Variants in TMC1 observed in about 807,000 individuals in gnomAD.
TMC1 encodes the protein transmembrane channel-like protein 1.
In TMC1, 84 loss-of-function variants were observed where a neutral mutation model predicts 105.8. The ratio of observed to expected loss-of-function variants is 0.79; its 90% CI spans 0.67 to 0.95. TMC1 has a LOEUF of 0.95. TMC1 is among the 40% of genes least tolerant of loss of function. The pLI is 0.00. For missense variants in TMC1, 817 were observed against 914.1 expected (o/e 0.89, Z 1.37); for synonymous variants, 315 against 311.5 (o/e 1.01, Z -0.12).
chr9:72,773,276 GAA>G (rs1827959811), intron 13 of TMC1, among the ~76,000 whole-genome samples: 2 of 152,124 alleles, frequency 1.3e-5, no homozygotes, highest in South Asian at 4.1e-4. Flanking sequence ...GAGAAGAGTT[GAA>G]ACATCTCAAG....
In TMC1 at chr9:72,789,276, C is replaced by T; in HGVS notation, c.1183C>T (p.Gln395Ter). ...WAVKRSQEFA[Q>*]QDPDTLGWWE... ...TGTGAAGCGATCCCAGGAATTTGCA[C>T]AGCAAGATCCTGACACCCTTGGGTG... The change falls in exon 15 of 24, where the codon CAG (glutamine) becomes TAG (stop). Residue 395 changes from glutamine to a stop codon, truncating the protein, a stop_gained. Coordinates refer to ENST00000297784, the MANE Select transcript of TMC1 (RefSeq NM_138691.3). LOFTEE classifies it high-confidence loss of function. The T allele has an allele frequency of 1.2e-6, 2 of 1,614,032 alleles. No homozygotes were observed. Among genetic ancestry groups the T allele is most frequent in the African/African-American group, 1.3e-5 (1 of 75,052 alleles).
In TMC1 at chr9:72,740,012, G is replaced by A. The variant is rs143738360; in HGVS notation, c.363-107G>A. On this transcript the variant is annotated intron_variant, in intron 8 of 23. Coordinates refer to ENST00000297784, the MANE Select transcript of TMC1 (RefSeq NM_138691.3). ...TCTAGGTTCACCTGTGAAGGATCTA[G>A]AAGAAATAAGACTGCAGACCTGGTA... 914 of 838,624 alleles carry A rather than the reference G, an allele frequency of 1.1e-3. 3 individuals carry two copies. In the African/African-American group the frequency reaches 0.014, roughly 13 times the overall value. The allele number at this position is 838,624 out of a possible 1,614,324, so 51.9% of individuals were successfully genotyped here.
At chr9:72,831,135 C>G (rs1210715070) in intron 23 of TMC1, among the ~76,000 whole-genome samples, 2 of 152,094 alleles carry the variant, frequency 1.3e-5, no homozygotes, top group Non-Finnish European at 2.9e-5. Flanking sequence ...ATTAAACTTT[C>G]TTTTTTTAAA....
intron 2 of TMC1, among the ~76,000 whole-genome samples, chr9:72,590,148 A>G (rs1198481208): frequency 6.6e-6 from 1 of 152,166 alleles, no homozygotes; most frequent in Non-Finnish European, 1.5e-5. Flanking sequence ...TAAAAATCCA[A>G]TGGGGAGAAG....
intron 17 of TMC1, among the ~76,000 whole-genome samples, chr9:72,798,412 G>A (rs1018482422): frequency 1.3e-5 from 2 of 152,134 alleles, no homozygotes; most frequent in African/African-American, 2.4e-5. Context: ...GCATGTGAAT[G>A]TTCATTGCAG....
At chr9:72,764,366 A>G (rs1588071938) in intron 12 of TMC1, among the ~76,000 whole-genome samples, 1 of 152,144 alleles carries the variant, frequency 6.6e-6, no homozygotes, top group African/African-American at 2.4e-5. Flanking sequence ...CAACCAGCCA[A>G]CAAAACCCTC....
In TMC1 at chr9:72,670,052, A is replaced by G. The variant is rs1379441376; in HGVS notation, c.17-18657A>G. ...GAGACCTGAAAGTCTGCAGGTACAA[A>G]GATAGCTGCAATTCATGAGAAAGAG... On this transcript the variant is annotated intron_variant, in intron 5 of 23. Transcript: ENST00000297784. Among the ~76,000 whole-genome samples the G allele has an allele frequency of 2.0e-5, 3 of 152,168 alleles. No homozygotes were observed. In the East Asian group the frequency reaches 5.8e-4, roughly 29 times the overall value.
In TMC1 at chr9:72,837,917, G is replaced by A. The variant is rs1020144255; in HGVS notation, c.*1944G>A. On this transcript the variant is annotated 3_prime_UTR_variant, in exon 24 of 24. Coordinates refer to ENST00000297784, the MANE Select transcript of TMC1 (RefSeq NM_138691.3). The stretch of plus-strand genomic sequence containing the variant: ...TCACTCCCTTTTTAGGATTCCTTGG[G>A]CTCTTATGTCTGTAATTCAGAGTCT... The A allele has an allele frequency of 6.6e-6, 1 of 152,074 alleles. No individual in the cohort carries two copies. Among genetic ancestry groups the A allele is most frequent in the East Asian group, 1.9e-4 (1 of 5,198 alleles). The allele number at this position is 152,074 out of a possible 1,614,324, so 9.4% of individuals were successfully genotyped here.
At chr9:72,732,114 G>C (rs903939067) in intron 8 of TMC1, among the ~76,000 whole-genome samples, 14 of 152,068 alleles carry the variant, frequency 9.2e-5, no homozygotes, top group African/African-American at 3.4e-4. Context: ...ATAATATAAT[G>C]AGTTTGGAAA....
At chr9:72,725,774 T>C (rs1827114054) in intron 8 of TMC1, among the ~76,000 whole-genome samples, 1 of 151,966 alleles carries the variant, frequency 6.6e-6, no homozygotes, top group Non-Finnish European at 1.5e-5. Flanking sequence ...AACTGCAAGC[T>C]CTGCCTCCCG....
intron 8 of TMC1, among the ~76,000 whole-genome samples, chr9:72,725,365 A>ATATATATG (rs1554723260): frequency 3.6e-5 from 3 of 82,222 alleles, no homozygotes; most frequent in Non-Finnish European, 2.3e-5. Flanking sequence ...ATATATATAT[A>ATATATATG]TATGTATATA....
intron 10 of TMC1, among the ~76,000 whole-genome samples, chr9:72,751,282 G>A (rs995422660): frequency 6.6e-6 from 1 of 152,218 alleles, no homozygotes; most frequent in African/African-American, 2.4e-5. Context: ...TGGAGTGAAT[G>A]AATGAATTTC....
chr9:72,825,643 T>C (rs1228435293), intron 20 of TMC1, among the ~76,000 whole-genome samples: 1 of 152,224 alleles, frequency 6.6e-6, no homozygotes, highest in African/African-American at 2.4e-5. Flanking sequence ...GAAGGGAGGA[T>C]AGATGGTCTT....
At chr9:72,561,023 G>C (rs976663129) in intron 1 of TMC1, among the ~76,000 whole-genome samples, 10 of 151,898 alleles carry the variant, frequency 6.6e-5, no homozygotes, top group Non-Finnish European at 1.3e-4. Flanking sequence ...GACAATTAAA[G>C]AGAGAAAAGG....
At position 72,754,866 on chromosome 9, in the gene TMC1, T is replaced by C; in HGVS notation, c.723T>C (p.Gly241=). ...RAEEASAANF[G]VLYDFNGLAQ... Reference sequence around the variant, plus strand: ...AAGAGGCATCGGCAGCAAACTTTGGTGTGTTGTACGACTTCAATGTAAGTG... The same window carrying C: ...AAGAGGCATCGGCAGCAAACTTTGGCGTGTTGTACGACTTCAATGTAAGTG... Residue 241 remains glycine, a synonymous_variant, in exon 12 of 24, where the codon GGT becomes GGC. Transcript: ENST00000297784. 1 of 1,613,982 alleles carries C rather than the reference T, an allele frequency of 6.2e-7. No individual in the cohort carries two copies. The highest frequency in any genetic ancestry group is 8.5e-7 in the Non-Finnish European group (1 of 1,179,872).
chr9:72,775,909 G>A (rs950080372), intron 13 of TMC1, among the ~76,000 whole-genome samples: 16 of 152,104 alleles, frequency 1.1e-4, no homozygotes, highest in South Asian at 2.1e-4. Context: ...GCCAGCTCTC[G>A]TGGGAGCTAA....
At chr9:72,583,945 G>C (rs137923657) in intron 2 of TMC1, among the ~76,000 whole-genome samples, 2,253 of 152,290 alleles carry the variant, frequency 0.015, 40 homozygotes, top group Admixed American at 0.044. Flanking sequence ...GTGGTCTTCA[G>C]GTTCCTAGTC....
At chr9:72,806,377 G>C (rs1383286534) in intron 18 of TMC1, among the ~76,000 whole-genome samples, 2 of 142,340 alleles carry the variant, frequency 1.4e-5, no homozygotes, top group African/African-American at 5.2e-5. Context: ...CTCCCGGACG[G>C]GGCGGCTGGC....
At chr9:72,652,798 A>G (rs1825833409) in intron 5 of TMC1, among the ~76,000 whole-genome samples, 1 of 152,222 alleles carries the variant, frequency 6.6e-6, no homozygotes, top group African/African-American at 2.4e-5. Context: ...GTAAGTAGAA[A>G]CTGCCTATTG....
Sources: allele counts gnomAD v4.1 joint callset (sites outside exome capture counted in the v4.1 genomes callset), GRCh38; gene constraint gnomAD v4.1.1; transcripts MANE v1.5; gene names NCBI Gene and HGNC (gene_info 2026-07-23, HGNC 2026-07-21).